The following PRKG1 variants were observed in gnomAD, a reference collection of about 807,000 sequenced individuals.
PRKG1 encodes the protein cGMP-dependent protein kinase 1.
A neutral mutation model predicts 88.1 loss-of-function variants in PRKG1; 35 were observed. That is an observed-to-expected ratio of 0.40 (90% CI 0.30 to 0.53). PRKG1 has a LOEUF of 0.53. PRKG1 is among the 20% of genes least tolerant of loss of function. PRKG1 has a pLI of 0.59. For synonymous variants in PRKG1, 303 were observed against 292.5 expected (o/e 1.04, Z -0.37); for missense variants, 540 against 839.8 (o/e 0.64, Z 4.41).
At chr10:51,626,054 TTTCTTGCC>T (rs1839329504) in intron 3 of PRKG1, among the ~76,000 whole-genome samples, 2 of 152,258 alleles carry the variant, frequency 1.3e-5, no homozygotes, top group African/African-American at 4.8e-5. Context: ...TCAATTACTA[TTTCTTGCC>T]TTAATATTTA....
chr10:52,090,702 A>G lies in PRKG1; in HGVS notation c.935+28071A>G, dbSNP rs532727022. On this transcript the variant is annotated intron_variant, in intron 7 of 17. Coordinates refer to ENST00000373980, the MANE Select transcript of PRKG1 (RefSeq NM_006258.4). Reference sequence around the variant, plus strand: ...ATGTGTCCACATAAACATTTTGACAAGTAAATGTTATTTGAATGTGGTAGG... The same window carrying G: ...ATGTGTCCACATAAACATTTTGACAGGTAAATGTTATTTGAATGTGGTAGG... 3.3e-5 allele frequency among the ~76,000 whole-genome samples: 5 copies of G among 152,336 alleles called. No individual in the cohort carries two copies. In the South Asian group the frequency reaches 1.0e-3, roughly 32 times the overall value.
intron 2 of PRKG1, among the ~76,000 whole-genome samples, chr10:51,357,924 T>C (rs1291775143): frequency 6.6e-6 from 1 of 152,018 alleles, no homozygotes; most frequent in Non-Finnish European, 1.5e-5. Context: ...TCATTACTGT[T>C]CAATACATTT....
chr10:51,479,902 T>C (rs767917899), intron 3 of PRKG1, among the ~76,000 whole-genome samples: 3 of 152,096 alleles, frequency 2.0e-5, no homozygotes, highest in Non-Finnish European at 4.4e-5. Context: ...AGTCTGGCAT[T>C]CTGTTTTAGG....
intron 2 of PRKG1, among the ~76,000 whole-genome samples, chr10:51,290,319 A>G (rs1840551290): frequency 6.6e-6 from 1 of 152,222 alleles, no homozygotes; most frequent in Non-Finnish European, 1.5e-5. Context: ...TTAAATTTAC[A>G]GGTGCATCTG....
chr10:51,247,419 C>A lies in PRKG1; in HGVS notation c.478+94089C>A, dbSNP rs558121967. ...AGAATTACATGAGCAAAACACATTT[C>A]TTGGTCCTTTTCATATGCATATGAG... is the stretch of plus-strand genomic sequence containing the variant. On this transcript the variant is annotated intron_variant, in intron 2 of 17. Coordinates refer to ENST00000373980, the MANE Select transcript of PRKG1 (RefSeq NM_006258.4). Among the ~76,000 whole-genome samples, 10 of 152,024 alleles carry A rather than the reference C, an allele frequency of 6.6e-5. No individual in the cohort carries two copies. The East Asian group carries it at 9.7e-4, about 15-fold the overall frequency.
At chr10:52,290,169 T>G in intron 16 of PRKG1, 55 bp from the exon 17 acceptor site, 1 of 1,507,948 alleles carries the variant, frequency 6.6e-7, no homozygotes, top group Non-Finnish European at 9.2e-7. Flanking sequence ...TACACTGCAA[T>G]GAGAAGCTTT....
chr10:51,170,339 CT>C (rs1846669634), intron 2 of PRKG1, among the ~76,000 whole-genome samples: 1 of 151,776 alleles, frequency 6.6e-6, no homozygotes, highest in Non-Finnish European at 1.5e-5. Context: ...GGCTTTCAGG[CT>C]TGTGGTCATT....
intron 17 of PRKG1, among the ~76,000 whole-genome samples, chr10:52,292,947 A>G (rs561256527): frequency 4.6e-5 from 7 of 152,142 alleles, no homozygotes; most frequent in African/African-American, 1.2e-4. Flanking sequence ...AGGGTATTCA[A>G]TTAGGAAAAG....
intron 2 of PRKG1, among the ~76,000 whole-genome samples, chr10:51,451,840 G>A (rs773364512): frequency 7.9e-5 from 12 of 151,822 alleles, no homozygotes; most frequent in Non-Finnish European, 1.3e-4. Context: ...AATTTTGGAA[G>A]GCAAAAGAGG....
intron 7 of PRKG1, among the ~76,000 whole-genome samples, chr10:52,073,554 C>A (rs1846557226): frequency 1.3e-5 from 2 of 152,116 alleles, no homozygotes; most frequent in Admixed American, 1.3e-4. Context: ...TTTAGGTATT[C>A]ATTTGTAGTA....
rs200168022 is a variant in PRKG1 at position 51,365,915 on chromosome 10, GA to G, written c.479-101798del. Reference sequence around the variant, plus strand: ...TTTTTTTTCCTCTCCATCACTATACGAAAAAAAAAATTGCTGTGTAAAAGAG... The same window carrying G: ...TTTTTTTTCCTCTCCATCACTATACGAAAAAAAAATTGCTGTGTAAAAGAG... On this transcript the variant is annotated intron_variant, in intron 2 of 17. Transcript: ENST00000373980. Among the ~76,000 whole-genome samples the G allele has an allele frequency of 5.7e-4, 77 of 134,888 alleles. 1 individual carries two copies. The East Asian group carries it at 7.9e-3, about 14-fold the overall frequency. 88.5% of individuals were successfully genotyped at this position (134,888 alleles called of 152,430 possible).
At chr10:51,375,425 GT>G (rs35026545) in intron 2 of PRKG1, among the ~76,000 whole-genome samples, 4,160 of 146,142 alleles carry the variant, frequency 0.028, 181 homozygotes, top group African/African-American at 0.096. Context: ...TGGATTTGGG[GT>G]TTTTTTTTTT....
At chr10:51,525,653 G>A (rs997059755) in intron 3 of PRKG1, among the ~76,000 whole-genome samples, 1 of 152,044 alleles carries the variant, frequency 6.6e-6, no homozygotes, top group Non-Finnish European at 1.5e-5. Flanking sequence ...ATCTGAGATT[G>A]CACCACTGCC....
At chr10:51,464,831 C>G in intron 2 of PRKG1, among the ~76,000 whole-genome samples, 1 of 142,450 alleles carries the variant, frequency 7.0e-6, no homozygotes. Context: ...GCGGAGCTTG[C>G]AGTGAGCCGA....
chr10:51,068,292 T>G (rs1323092549), intron 1 of PRKG1, among the ~76,000 whole-genome samples: 2 of 151,990 alleles, frequency 1.3e-5, no homozygotes, highest in African/African-American at 4.8e-5. Flanking sequence ...AGTGGAGATC[T>G]CCATGTATTT....
intron 3 of PRKG1, among the ~76,000 whole-genome samples, chr10:51,505,068 T>A (rs538748942): frequency 1.3e-5 from 2 of 152,338 alleles, no homozygotes; most frequent in African/African-American, 4.8e-5. Context: ...AAGGGAATGC[T>A]TCCAGTTTTT....
intron 2 of PRKG1, among the ~76,000 whole-genome samples, chr10:51,183,610 A>G (rs779424699): frequency 2.0e-5 from 3 of 152,210 alleles, no homozygotes; most frequent in Non-Finnish European, 4.4e-5. Context: ...CTTACCCAAG[A>G]TCAAGGTTAT....
At chr10:51,164,600 G>A (rs1268415365) in intron 2 of PRKG1, among the ~76,000 whole-genome samples, 2 of 151,812 alleles carry the variant, frequency 1.3e-5, no homozygotes, top group African/African-American at 2.4e-5. Context: ...AAACTACTCC[G>A]AGCTACAGGA....
At chr10:51,605,549 T>C (rs1838742848) in intron 3 of PRKG1, among the ~76,000 whole-genome samples, 1 of 152,224 alleles carries the variant, frequency 6.6e-6, no homozygotes, top group Non-Finnish European at 1.5e-5. Flanking sequence ...CATAATACTT[T>C]ACTCATTCTC....
Sources: allele counts gnomAD v4.1 joint callset (sites outside exome capture counted in the v4.1 genomes callset), GRCh38; gene constraint gnomAD v4.1.1; transcripts MANE v1.5; gene names NCBI Gene and HGNC (gene_info 2026-07-23, HGNC 2026-07-21).